ATP11C: variants seen among roughly 807,000 people sequenced by gnomAD.
The protein encoded by ATP11C is ATPase phospholipid transporting 11C (ATP11C blood group), also known as phospholipid-transporting ATPase IG.
Under a neutral mutation model 97.4 loss-of-function variants are expected in ATP11C, and 36 were observed. The ratio of observed to expected loss-of-function variants is 0.37; its 90% CI spans 0.28 to 0.49. The LOEUF (loss-of-function observed/expected upper bound fraction) is 0.49, where lower values mean the gene tolerates loss of function less well. ATP11C is among the 20% of genes least tolerant of loss of function. The pLI is 0.98. For synonymous variants in ATP11C, 275 were observed against 290.9 expected (o/e 0.95, Z 0.56); for missense variants, 730 against 824.6 (o/e 0.89, Z 1.40).
At chrX:139,745,497 T>C (rs7887708) in intron 25 of ATP11C, among the ~76,000 whole-genome samples, 3 of 112,036 alleles carry the variant, frequency 2.7e-5, no homozygotes, top group African/African-American at 9.7e-5. Flanking sequence ...AAGTTAAGGT[T>C]CCAGAAAGTT....
At chrX:139,828,345 TTC>T (rs774179550) in intron 1 of ATP11C, among the ~76,000 whole-genome samples, 1 of 112,304 alleles carries the variant, frequency 8.9e-6, no homozygotes, top group East Asian at 2.8e-4. Context: ...AGGGGCTTAC[TTC>T]TCTGTTTGCA....
intron 18 of ATP11C, among the ~76,000 whole-genome samples, chrX:139,778,464 T>C (rs1388152145): frequency 8.9e-6 from 1 of 111,871 alleles, no homozygotes; most frequent in East Asian, 2.8e-4. Context: ...CACATATCAA[T>C]ATTAACCTTG....
At position 139,797,676 on chromosome X, in the gene ATP11C, T is replaced by C. The variant is rs1031674476; in HGVS notation, c.858-350A>G. Among the ~76,000 whole-genome samples, 3 of 111,430 alleles carry C rather than the reference T, an allele frequency of 2.7e-5. No homozygotes were observed. In the Admixed American group the frequency reaches 2.9e-4, roughly 11 times the overall value. ...AAAGAGTATCTTGTCTCCATTTCCC[T>C]GAATCCTAAATGTTTGGGGTAGAGG... On this transcript the variant is annotated intron_variant, in intron 10 of 29. Transcript: ENST00000682941.
intron 3 of ATP11C, among the ~76,000 whole-genome samples, chrX:139,818,557 T>C (rs1022839759): frequency 8.9e-6 from 1 of 111,978 alleles, no homozygotes; most frequent in Non-Finnish European, 1.9e-5. Flanking sequence ...AGGATTAAAA[T>C]AGGCTCTTGC....
chrX:139,745,669 A>G (rs2081666341), intron 25 of ATP11C, 53 bp downstream of exon 25: 2 of 1,157,563 alleles, frequency 1.7e-6, no homozygotes. Flanking sequence ...CCTATGGGAA[A>G]AAGACAAGCC....
chrX:139,830,431 T>C (rs2083620944), intron 1 of ATP11C, among the ~76,000 whole-genome samples: 1 of 111,928 alleles, frequency 8.9e-6, no homozygotes, highest in African/African-American at 3.2e-5. Context: ...TAACCCTCAG[T>C]GTTCCGTCCA....
intron 18 of ATP11C, among the ~76,000 whole-genome samples, chrX:139,779,327 T>A (rs968740272): frequency 8.9e-6 from 1 of 112,228 alleles, no homozygotes; most frequent in African/African-American, 3.2e-5. Context: ...ATTGATCACA[T>A]GCTTGGTCAT....
chrX:139,830,385 T>G (rs1358339292), intron 1 of ATP11C, among the ~76,000 whole-genome samples: 2 of 112,004 alleles, frequency 1.8e-5, no homozygotes, highest in African/African-American at 6.5e-5. Flanking sequence ...TTTAAATAAT[T>G]TAAACAATTT....
intron 1 of ATP11C, among the ~76,000 whole-genome samples, chrX:139,854,105 G>A (rs889551439): frequency 9.0e-6 from 1 of 111,458 alleles, no homozygotes; most frequent in Non-Finnish European, 1.9e-5. Flanking sequence ...TAATTGACAG[G>A]GAAACTCTTG....
chrX:139,732,904 A>C (rs1368796937), intron 28 of ATP11C, among the ~76,000 whole-genome samples: 2 of 111,842 alleles, frequency 1.8e-5, no homozygotes, highest in African/African-American at 6.5e-5. Context: ...TCAAAGAGTT[A>C]TGTCCAGGGT....
chrX:139,819,363 TA>T lies in ATP11C; in HGVS notation c.211del (p.Tyr71IlefsTer4). On this transcript the variant is annotated frameshift_variant, in exon 3 of 30. Coordinates refer to ENST00000682941, the MANE Select transcript of ATP11C (RefSeq NM_001353812.2). LOFTEE classifies it high-confidence loss of function. The stretch of plus-strand genomic sequence containing the variant: ...CTGTACAAGGAAGATTATGAGAAAA[TA>T]AAAATTTGCAATTCTTCTAAACTGT... ...FEQFRRIANF[Y>X]FLIIFLVQVT... The T allele has an allele frequency of 1.7e-6, 2 of 1,144,612 alleles. No homozygotes were observed. Among genetic ancestry groups the T allele is most frequent in the Admixed American group, 2.5e-5 (1 of 39,477 alleles). 94.3% of individuals were successfully genotyped at this position (1,144,612 alleles called of 1,213,427 possible). A position where few individuals can be genotyped will look rare whatever the true frequency, so the allele number is the denominator to read the frequency against.
intron 1 of ATP11C, chrX:139,885,404 A>AT (rs1200498600): frequency 3.6e-5 from 4 of 111,147 alleles, no homozygotes; most frequent in Non-Finnish European, 7.5e-5. Context: ...AGTACATACT[A>AT]TTTTTGTTAC....
chrX:139,808,115 T>C (rs948510102), intron 5 of ATP11C, among the ~76,000 whole-genome samples: 39 of 111,614 alleles, frequency 3.5e-4, no homozygotes, highest in African/African-American at 1.2e-3. Flanking sequence ...AAGATTTCCT[T>C]CAACTAGTGG....
intron 19 of ATP11C, among the ~76,000 whole-genome samples, chrX:139,772,285 T>C (rs752126591): frequency 5.3e-5 from 6 of 112,433 alleles, no homozygotes; most frequent in Non-Finnish European, 9.4e-5. Flanking sequence ...TTTCAGAATA[T>C]GTATGGAAAC....
At chrX:139,826,992 T>C (rs1351812041) in intron 1 of ATP11C, among the ~76,000 whole-genome samples, 169 bp from the exon 2 acceptor site, 1 of 112,375 alleles carries the variant, frequency 8.9e-6, no homozygotes, top group Non-Finnish European at 1.9e-5. Context: ...TCTTACTTGC[T>C]GACATAGTAA....
intron 1 of ATP11C, among the ~76,000 whole-genome samples, chrX:139,855,482 C>T (rs1056067379): frequency 9.9e-5 from 11 of 111,177 alleles, no homozygotes; most frequent in Admixed American, 6.7e-4. Flanking sequence ...CACCGCTGTT[C>T]GTACAGCAAA....
intron 18 of ATP11C, among the ~76,000 whole-genome samples, chrX:139,775,557 T>C (rs1215918511): frequency 8.9e-6 from 1 of 112,404 alleles, no homozygotes; most frequent in Non-Finnish European, 1.9e-5. Context: ...AAAGCTGGGA[T>C]ACAGAAAAGG....
chrX:139,832,436 A>C, intron 1 of ATP11C: 1 of 521,323 alleles, frequency 1.9e-6, no homozygotes, highest in Admixed American at 5.1e-5. Context: ...TTATTGCACC[A>C]TTTCATATCT....
chrX:139,873,758 T>C (rs1486329168), intron 1 of ATP11C, among the ~76,000 whole-genome samples: 1 of 95,309 alleles, frequency 1.0e-5, no homozygotes, highest in African/African-American at 4.0e-5. Flanking sequence ...GTTACATGTA[T>C]GTTACTACAA....
Sources: gnomAD v4.1 joint callset for allele counts (sites outside exome capture counted in the v4.1 genomes callset) on GRCh38, gnomAD v4.1.1 for gene constraint, MANE v1.5 for transcripts, NCBI Gene and HGNC (gene_info 2026-07-23, HGNC 2026-07-21) for gene names.